OXR1: variants seen among roughly 807,000 people sequenced by gnomAD.
OXR1 encodes the protein oxidation resistance 1.
A neutral mutation model predicts 104.6 loss-of-function variants in OXR1; 41 were observed. The ratio of observed to expected loss-of-function variants is 0.39; its 90% CI spans 0.31 to 0.51. OXR1 has a LOEUF of 0.51. Ranked by LOEUF, OXR1 falls within the 20% of genes least tolerant of loss-of-function variation. The pLI, the probability that OXR1 is intolerant of heterozygous loss-of-function variation, is 0.77. For missense variants in OXR1, 955 were observed against 1,031.9 expected, an observed-to-expected ratio of 0.93 and a Z score of 1.02; for synonymous variants, 348 against 348.4, an observed-to-expected ratio of 1.00 and a Z score of 0.01.
chr8:106,326,743 C>T (rs371229353), intron 1 of OXR1, among the ~76,000 whole-genome samples: 14 of 152,242 alleles, frequency 9.2e-5, no homozygotes, highest in African/African-American at 3.4e-4. Flanking sequence ...ATTTGAGGAA[C>T]ACGAAGGAGG....
At chr8:106,516,047 C>T (rs1305188021) in intron 2 of OXR1, among the ~76,000 whole-genome samples, 3 of 152,034 alleles carry the variant, frequency 2.0e-5, no homozygotes, top group African/African-American at 4.8e-5. Flanking sequence ...GCCCTCAGGA[C>T]CATCTTGTTT....
intron 1 of OXR1, among the ~76,000 whole-genome samples, chr8:106,303,248 C>CTTTTTTTTTTTTTTTT (rs1164596413): frequency 1.1e-4 from 10 of 92,334 alleles, no homozygotes; most frequent in Non-Finnish European, 1.8e-4. Flanking sequence ...TTTTTTCTTT[C>CTTTTTTTTTTTTTTTT]TTTTTTTTTT....
At chr8:106,471,742 G>A (rs1821503509) in intron 2 of OXR1, among the ~76,000 whole-genome samples, 1 of 151,796 alleles carries the variant, frequency 6.6e-6, no homozygotes, top group South Asian at 2.1e-4. Context: ...TGAAAGATAA[G>A]TTTCAAAAAT....
At chr8:106,603,179 T>C (rs1563636130) in intron 3 of OXR1, among the ~76,000 whole-genome samples, 1 of 152,218 alleles carries the variant, frequency 6.6e-6, no homozygotes, top group Admixed American at 6.5e-5. Context: ...GTATTTGACA[T>C]GCGTATGACT....
chr8:106,703,973 G>A (rs1238547358), intron 8 of OXR1, among the ~76,000 whole-genome samples: 3 of 152,126 alleles, frequency 2.0e-5, no homozygotes, highest in Admixed American at 6.6e-5. Context: ...CCCTTGTGGG[G>A]CAGAGCAACT....
At chr8:106,464,835 A>G (rs1033335043) in intron 2 of OXR1, among the ~76,000 whole-genome samples, 1 of 152,038 alleles carries the variant, frequency 6.6e-6, no homozygotes, top group Non-Finnish European at 1.5e-5. Flanking sequence ...GTCATCTCTT[A>G]TCTGTTCCTT....
chr8:106,605,716 A>G (rs1397044801), intron 3 of OXR1, among the ~76,000 whole-genome samples: 2 of 151,596 alleles, frequency 1.3e-5, no homozygotes, highest in African/African-American at 4.8e-5. Flanking sequence ...GGAGAATCAC[A>G]TGAACCCGGG....
At chr8:106,308,515 C>T (rs1813556199) in intron 1 of OXR1, among the ~76,000 whole-genome samples, 1 of 152,246 alleles carries the variant, frequency 6.6e-6, no homozygotes, top group Non-Finnish European at 1.5e-5. Context: ...GTTAATATCC[C>T]AATACTGACC....
At chr8:106,708,858 A>G (rs1831414226) in intron 9 of OXR1, among the ~76,000 whole-genome samples, 1 of 152,024 alleles carries the variant, frequency 6.6e-6, no homozygotes, top group Admixed American at 6.6e-5. Context: ...ACTGTTTTCC[A>G]TAGTGGCTGC....
chr8:106,695,608 G>T (rs967028202), intron 7 of OXR1, among the ~76,000 whole-genome samples: 1 of 151,558 alleles, frequency 6.6e-6, no homozygotes, highest in Non-Finnish European at 1.5e-5. Flanking sequence ...TTAGTAGAGA[G>T]GGGGTTTTAC....
chr8:106,511,977 C>T (rs1563572130), intron 2 of OXR1, among the ~76,000 whole-genome samples: 2 of 152,166 alleles, frequency 1.3e-5, no homozygotes, highest in African/African-American at 2.4e-5. Flanking sequence ...GCGTGTATAA[C>T]ATGTGGCCTT....
intron 1 of OXR1, among the ~76,000 whole-genome samples, chr8:106,311,505 C>T (rs909965016): frequency 3.3e-5 from 5 of 151,936 alleles, no homozygotes; most frequent in African/African-American, 1.2e-4. Flanking sequence ...GTATTTTTGT[C>T]CTGTGTGTGT....
At chr8:106,334,625 G>A (rs971518038) in intron 1 of OXR1, among the ~76,000 whole-genome samples, 21 of 152,152 alleles carry the variant, frequency 1.4e-4, no homozygotes, top group South Asian at 4.1e-4. Flanking sequence ...GATGTTGATT[G>A]TAGTCCCTGG....
intron 1 of OXR1, among the ~76,000 whole-genome samples, chr8:106,351,017 A>G (rs921999892): frequency 6.6e-6 from 1 of 152,232 alleles, no homozygotes; most frequent in African/African-American, 2.4e-5. Flanking sequence ...TCAAGAAAAT[A>G]TTTAAAAACT....
chr8:106,597,633 A>AT (rs1819633089), intron 3 of OXR1, among the ~76,000 whole-genome samples: 1 of 152,116 alleles, frequency 6.6e-6, no homozygotes, highest in Non-Finnish European at 1.5e-5. Context: ...CTTCTCACAC[A>AT]TTTTTATTTG....
In OXR1 at chr8:106,695,111, C is replaced by T. The variant is rs1198271119; in HGVS notation, c.675+2234C>T. ...CCTTTGTGTTCTTATCGTAACACCT[C>T]TTATTTCTACATGTTATAAACACAA... On this transcript the variant is annotated intron_variant, in intron 7 of 16. Coordinates refer to ENST00000517566, the MANE Select transcript of OXR1 (RefSeq NM_001198533.2). Among the ~76,000 whole-genome samples the T allele has an allele frequency of 2.0e-5, 3 of 150,276 alleles. No individual in the cohort carries two copies. In the East Asian group the frequency reaches 5.8e-4, roughly 29 times the overall value.
rs970733217 is a variant in OXR1, at chr8:106,583,495, C to A, written c.220+64356C>A. ...AAGCAAGAGTTCCAGTAAAAGATGG[C>A]GGATTAAATGCAACCATTAAGGTCT... On this transcript the variant is annotated intron_variant, in intron 3 of 16. Coordinates refer to ENST00000517566, the MANE Select transcript of OXR1 (RefSeq NM_001198533.2). 5.3e-5 allele frequency among the ~76,000 whole-genome samples: 8 copies of A among 152,048 alleles called. No individual in the cohort carries two copies. The East Asian group carries it at 9.6e-4, about 18-fold the overall frequency.
chr8:106,405,683 A>T (rs1818209314), intron 2 of OXR1, among the ~76,000 whole-genome samples: 1 of 152,152 alleles, frequency 6.6e-6, no homozygotes, highest in South Asian at 2.1e-4. Flanking sequence ...GAGTCAACCC[A>T]GGTATCCCAG....
At chr8:106,619,501 C>G (rs557528509) in intron 3 of OXR1, among the ~76,000 whole-genome samples, 1 of 152,170 alleles carries the variant, frequency 6.6e-6, no homozygotes, top group East Asian at 1.9e-4. Flanking sequence ...TGAGCCCAAA[C>G]AATTTTTTAA....
Sources: allele counts gnomAD v4.1 joint callset (sites outside exome capture counted in the v4.1 genomes callset), GRCh38; gene constraint gnomAD v4.1.1; transcripts MANE v1.5; gene names NCBI Gene and HGNC (gene_info 2026-07-23, HGNC 2026-07-21).